Variants in PABPC4L observed in about 807,000 individuals in gnomAD.
PABPC4L encodes poly(A) binding protein cytoplasmic 4 like.
For synonymous variants in PABPC4L, 169 were observed against 164.1 expected (o/e 1.03, Z -0.23); for missense variants, 452 against 451.4 (o/e 1.00, Z -0.01).
downstream of PABPC4L, among the ~76,000 whole-genome samples, chr4:134,192,983 T>A (rs1238455430): frequency 6.6e-6 from 1 of 152,112 alleles, no homozygotes; most frequent in African/African-American, 2.4e-5. Flanking sequence ...ATGCTTAAAA[T>A]TTCTGCAATT....
the PABPC4L span, among the ~76,000 whole-genome samples, chr4:134,107,855 T>C: frequency 6.6e-6 from 1 of 151,540 alleles, no homozygotes; most frequent in Non-Finnish European, 1.5e-5. Flanking sequence ...TTAAATTATT[T>C]CCTTCTAGAT....
chr4:134,059,836 C>T, the PABPC4L span, among the ~76,000 whole-genome samples: 1 of 152,100 alleles, frequency 6.6e-6, no homozygotes, highest in African/African-American at 2.4e-5. Context: ...GACAGGAATA[C>T]CAAATTTAAC....
chr4:133,955,051 A>G, the PABPC4L span, among the ~76,000 whole-genome samples: 1 of 152,170 alleles, frequency 6.6e-6, no homozygotes, highest in Admixed American at 6.5e-5. Flanking sequence ...TAAAAATACA[A>G]GTATCACTCT....
At chr4:134,132,727 A>G in the PABPC4L span, among the ~76,000 whole-genome samples, 2 of 151,724 alleles carry the variant, frequency 1.3e-5, no homozygotes, top group Admixed American at 6.6e-5. Context: ...CCAGAGGAAC[A>G]TAAGTCATTA....
chr4:134,125,463 T>C, the PABPC4L span, among the ~76,000 whole-genome samples: 1 of 152,246 alleles, frequency 6.6e-6, no homozygotes, highest in Admixed American at 6.5e-5. Context: ...TGAATTCTTC[T>C]GTATGGAAGT....
the PABPC4L span, among the ~76,000 whole-genome samples, chr4:134,080,894 G>A: frequency 6.6e-6 from 1 of 152,124 alleles, no homozygotes; most frequent in Non-Finnish European, 1.5e-5. Context: ...CTAACACACA[G>A]TGTATCATAT....
At chr4:134,107,766 T>C in the PABPC4L span, among the ~76,000 whole-genome samples, 1 of 151,676 alleles carries the variant, frequency 6.6e-6, no homozygotes, top group Non-Finnish European at 1.5e-5. Context: ...TGAGACACTA[T>C]TATGACTTCT....
the PABPC4L span, among the ~76,000 whole-genome samples, chr4:133,974,187 T>C: frequency 6.8e-6 from 1 of 147,230 alleles, no homozygotes; most frequent in African/African-American, 2.6e-5. Flanking sequence ...AATAATTGAA[T>C]GTCCAAAAAA....
At chr4:134,038,190 T>G in the PABPC4L span, among the ~76,000 whole-genome samples, 211 of 152,286 alleles carry the variant, frequency 1.4e-3, 1 homozygote, top group Admixed American at 0.012. Flanking sequence ...TCATGGTGGA[T>G]AAGCTTTTTG....
the PABPC4L span, among the ~76,000 whole-genome samples, chr4:134,001,630 A>G: frequency 1.3e-5 from 2 of 152,130 alleles, no homozygotes; most frequent in Non-Finnish European, 2.9e-5. Flanking sequence ...TGAACTTTCT[A>G]TTAATATAGG....
the PABPC4L span, among the ~76,000 whole-genome samples, chr4:133,985,385 T>C: frequency 3.1e-4 from 47 of 151,980 alleles, no homozygotes; most frequent in Non-Finnish European, 4.4e-5. Context: ...ATATGCACTT[T>C]GGGGGTGATA....
At chr4:134,142,265 T>C in the PABPC4L span, among the ~76,000 whole-genome samples, 1 of 151,664 alleles carries the variant, frequency 6.6e-6, no homozygotes, top group Non-Finnish European at 1.5e-5. Context: ...TGCTGATCTT[T>C]CAAAACAGAC....
At chr4:134,074,699 C>T in the PABPC4L span, among the ~76,000 whole-genome samples, 1 of 152,080 alleles carries the variant, frequency 6.6e-6, no homozygotes, top group Non-Finnish European at 1.5e-5. Flanking sequence ...CTTGTGAGGC[C>T]CCAGAAAACT....
At chr4:134,042,670 A>G in the PABPC4L span, among the ~76,000 whole-genome samples, 1 of 152,188 alleles carries the variant, frequency 6.6e-6, no homozygotes, top group Non-Finnish European at 1.5e-5. Context: ...GGTGCCTCTA[A>G]TTGGAGTTTT....
the PABPC4L span, among the ~76,000 whole-genome samples, chr4:134,131,844 CA>C: frequency 6.7e-6 from 1 of 149,846 alleles, no homozygotes; most frequent in African/African-American, 2.5e-5. Context: ...ACCAAAACAG[CA>C]TAATACTGTT....
At chr4:134,124,364 C>T in the PABPC4L span, among the ~76,000 whole-genome samples, 1 of 151,890 alleles carries the variant, frequency 6.6e-6, no homozygotes, top group Non-Finnish European at 1.5e-5. Context: ...CTAGTTTTAC[C>T]CACCACCCTC....
Position 134,196,604 on chromosome 4 carries a change from AT to A in PABPC4L, c.*3302del, listed in dbSNP as rs1269332225. On this transcript the variant is annotated 3_prime_UTR_variant, in exon 2 of 2. Coordinates refer to ENST00000421491, the MANE Select transcript of PABPC4L (RefSeq NM_001114734.2). ...AGTGGCTCAAGGCATATCTATGTACATTAGCTTTTACTGGAATGCTTATCAG... is the reference window on the plus strand; with the variant it reads ...AGTGGCTCAAGGCATATCTATGTACATAGCTTTTACTGGAATGCTTATCAG... 2 of 151,754 alleles carry A rather than the reference AT, an allele frequency of 1.3e-5. No individual in the cohort carries two copies. Among genetic ancestry groups the A allele is most frequent in the Non-Finnish European group, 3.0e-5 (2 of 67,676 alleles). The allele number at this position is 151,754 out of a possible 1,614,324, so 9.4% of individuals were successfully genotyped here. A position where few individuals can be genotyped will look rare whatever the true frequency, so the allele number is the denominator to read the frequency against.
At chr4:134,192,566 T>C (rs1356018991), downstream of PABPC4L, among the ~76,000 whole-genome samples, 3 of 152,140 alleles carry the variant, frequency 2.0e-5, no homozygotes, top group Non-Finnish European at 4.4e-5. Flanking sequence ...ACATCTATGA[T>C]AATTTTTATA....
At chr4:134,006,109 T>A in the PABPC4L span, among the ~76,000 whole-genome samples, 197 of 152,004 alleles carry the variant, frequency 1.3e-3, 3 homozygotes, top group Middle Eastern at 3.4e-3. Flanking sequence ...TGTTTCTTTT[T>A]AGGTCATGGG....
Sources: gnomAD v4.1 joint callset for allele counts (sites outside exome capture counted in the v4.1 genomes callset) on GRCh38, gnomAD v4.1.1 for gene constraint, MANE v1.5 for transcripts, NCBI Gene and HGNC (gene_info 2026-07-23, HGNC 2026-07-21) for gene names.